Variants in GLIPR1L1 observed in about 807,000 individuals in gnomAD.
GLIPR1L1 encodes the protein GLIPR1-like protein 1.
In GLIPR1L1, 26 loss-of-function variants were observed where a neutral mutation model predicts 29.9. The observed-to-expected ratio is 0.87, with a 90% CI of 0.64 to 1.21. The LOEUF is 1.21. GLIPR1L1 is among the 50% of genes most tolerant of loss of function. The pLI, the probability that GLIPR1L1 is intolerant of heterozygous loss-of-function variation, is 0.00. For missense variants in GLIPR1L1, 305 were observed against 290.3 expected (o/e 1.05, Z -0.37); for synonymous variants, 77 against 97.5 (o/e 0.79, Z 1.24).
intron 3 of GLIPR1L1, among the ~76,000 whole-genome samples, chr12:75,348,861 G>A (rs2042620534): frequency 6.6e-6 from 1 of 152,152 alleles, no homozygotes; most frequent in Non-Finnish European, 1.5e-5. Flanking sequence ...ACAACAAAGG[G>A]CCGTGATCTC....
In GLIPR1L1 at chr12:75,370,365, T is replaced by C. The variant is rs1407076186; in HGVS notation, c.*189T>C. The C allele has an allele frequency of 6.0e-5, 27 of 451,662 alleles. No homozygotes were observed. In the Admixed American group the frequency reaches 9.8e-4, roughly 16 times the overall value. The allele number at this position is 451,662 out of a possible 1,614,324, so 28.0% of individuals were successfully genotyped here. On this transcript the variant is annotated 3_prime_UTR_variant, in exon 6 of 6. Transcript: ENST00000378695. ...GAAAATGGATAGCAGTAGAATAAAGTCTTAAGATTATTTTTTAATTACAAA... is the reference window on the plus strand; with the variant it reads ...GAAAATGGATAGCAGTAGAATAAAGCCTTAAGATTATTTTTTAATTACAAA...
intron 4 of GLIPR1L1, among the ~76,000 whole-genome samples, chr12:75,367,377 C>T (rs184427427): frequency 6.6e-6 from 1 of 151,384 alleles, no homozygotes; most frequent in East Asian, 1.9e-4. Flanking sequence ...TTCTTTATGT[C>T]CGTCTATAAG....
rs1447677291 is a variant in GLIPR1L1 at position 75,343,761 on chromosome 12, CTGTT to C, written c.246_249del (p.Cys82TrpfsTer20). The C allele has an allele frequency of 1.2e-6, 2 of 1,612,346 alleles. No homozygotes were observed. Among genetic ancestry groups the C allele is most frequent in the Non-Finnish European group, 1.7e-6 (2 of 1,178,768 alleles). Reference sequence around the variant, plus strand: ...ACCAGTGCAAATTTGAACATAATGACTGTTTGGATAAATCATATAAATGCTATGC... The same window carrying C: ...ACCAGTGCAAATTTGAACATAATGACTGGATAAATCATATAAATGCTATGC... On this transcript the variant is annotated frameshift_variant, in exon 2 of 6. Transcript: ENST00000378695. LOFTEE classifies it high-confidence loss of function.
chr12:75,352,187 G>A (rs1028845617), intron 3 of GLIPR1L1, among the ~76,000 whole-genome samples: 7 of 152,136 alleles, frequency 4.6e-5, no homozygotes, highest in African/African-American at 1.4e-4. Context: ...TGGCCTAAAG[G>A]CCCCATATAA....
rs1430406847 is a variant in GLIPR1L1, at chr12:75,340,445, G to A, written c.175-3248G>A. ...TAAAGAGCAAAAATTAACCCAAAAT[G>A]AATCATAAATTTAAATAAAACTATT... is the stretch of plus-strand genomic sequence containing the variant. On this transcript the variant is annotated intron_variant, in intron 1 of 5. Coordinates refer to ENST00000378695, the MANE Select transcript of GLIPR1L1 (RefSeq NM_001304964.2). 2.0e-5 allele frequency among the ~76,000 whole-genome samples: 3 copies of A among 151,448 alleles called. No homozygotes were observed. In the East Asian group the frequency reaches 5.8e-4, roughly 29 times the overall value.
chr12:75,344,215 T>G (rs1223808773), intron 2 of GLIPR1L1, among the ~76,000 whole-genome samples: 1 of 152,158 alleles, frequency 6.6e-6, no homozygotes, highest in East Asian at 1.9e-4. Context: ...TTTCTCTCAC[T>G]CTCTCTCTTC....
intron 1 of GLIPR1L1, among the ~76,000 whole-genome samples, chr12:75,335,921 A>G (rs1283579514): frequency 6.6e-6 from 1 of 152,024 alleles, no homozygotes; most frequent in Non-Finnish European, 1.5e-5. Context: ...TTGTAAATGT[A>G]TGATAAAAAA....
At chr12:75,367,073 C>T in intron 4 of GLIPR1L1, 1 of 698,302 alleles carries the variant, frequency 1.4e-6, no homozygotes, top group Non-Finnish European at 2.6e-6. Flanking sequence ...AATGCACAGA[C>T]AAGCCAACTG....
chr12:75,337,351 T>TA (rs35917340), intron 1 of GLIPR1L1, among the ~76,000 whole-genome samples: 47 of 151,440 alleles, frequency 3.1e-4, no homozygotes, highest in African/African-American at 9.9e-4. Context: ...AAACCAGTAG[T>TA]AAAAAAAAGA....
At chr12:75,339,668 A>G (rs979046919) in intron 1 of GLIPR1L1, among the ~76,000 whole-genome samples, 1 of 152,098 alleles carries the variant, frequency 6.6e-6, no homozygotes, top group Non-Finnish European at 1.5e-5. Flanking sequence ...GCCCGTGCCT[A>G]TGTCCTGAAT....
At chr12:75,362,650 T>C (rs149856815) in intron 3 of GLIPR1L1, among the ~76,000 whole-genome samples, 4 of 152,298 alleles carry the variant, frequency 2.6e-5, no homozygotes, top group South Asian at 2.1e-4. Flanking sequence ...TTATGACTTA[T>C]ACTATTAAAA....
In GLIPR1L1 at chr12:75,343,706, G is replaced by T. The variant is rs746054970; in HGVS notation, c.188G>T (p.Gly63Val). 1 of 1,607,876 alleles carries T rather than the reference G, an allele frequency of 6.2e-7. No individual in the cohort carries two copies. Among genetic ancestry groups the T allele is most frequent in the African/African-American group, 1.3e-5 (1 of 74,798 alleles). The change falls in exon 2 of 6, where the codon GGT becomes GTT. Residue 63 changes from glycine (G) to valine (V), a missense_variant. Transcript: ENST00000378695. ...TTTATCTTTCAGATTTGGGATAAAG[G>T]TTTAGCAAAGATGGCTAAAGCATGG... is the stretch of plus-strand genomic sequence containing the variant. ...ADMKYMIWDK[G>V]LAKMAKAWAN...
At chr12:75,350,311 C>CAA (rs1298304088) in intron 3 of GLIPR1L1, among the ~76,000 whole-genome samples, 1 of 152,206 alleles carries the variant, frequency 6.6e-6, no homozygotes, top group African/African-American at 2.4e-5. Context: ...TTTCTGATGG[C>CAA]AAGCTCTGAG....
Position 75,334,790 on chromosome 12 carries a change from C to T in GLIPR1L1, c.62C>T (p.Thr21Ile). Residue 21 changes from threonine (T) to isoleucine (I), a missense_variant, in exon 1 of 6, where the codon ACA becomes ATA. Coordinates refer to ENST00000378695, the MANE Select transcript of GLIPR1L1 (RefSeq NM_001304964.2). ...WILGLCLVAT[T>I]SSKIPSITDP... ...TTGGGTCTGTGTTTGGTAGCCACTACATCTTCCAAAATCCCATCCATCACT... is the reference window on the plus strand; with the variant it reads ...TTGGGTCTGTGTTTGGTAGCCACTATATCTTCCAAAATCCCATCCATCACT... 1 of 1,614,082 alleles carries T rather than the reference C, an allele frequency of 6.2e-7. No homozygotes were observed. The highest frequency in any genetic ancestry group is 8.5e-7 in the Non-Finnish European group (1 of 1,179,944).
chr12:75,354,116 C>T (rs1241478952), intron 3 of GLIPR1L1, among the ~76,000 whole-genome samples: 2 of 132,396 alleles, frequency 1.5e-5, no homozygotes, highest in African/African-American at 3.0e-5. Context: ...CACTTCTATT[C>T]AACATAGTAT....
chr12:75,347,496 T>C lies in GLIPR1L1; in HGVS notation c.421-126T>C, dbSNP rs181927291. ...ATAAATATAAACATTAGAAAAAATA[T>C]GTAACTAATAAATATTTATGTACAT... On this transcript the variant is annotated intron_variant, in intron 2 of 5. Transcript: ENST00000378695. 2.8e-4 allele frequency: 123 copies of C among 439,518 alleles called. No homozygotes were observed. The South Asian group carries it at 3.8e-3, about 14-fold the overall frequency. 27.2% of individuals were successfully genotyped at this position (439,518 alleles called of 1,614,324 possible).
chr12:75,344,076 TTTAATAATA>T, intron 2 of GLIPR1L1, 138 bp downstream of exon 2: 2 of 620,604 alleles, frequency 3.2e-6, no homozygotes, highest in Non-Finnish European at 2.7e-6. Flanking sequence ...TCTTGAGCAA[TTTAATAATA>T]ATATACCAAA....
At chr12:75,364,529 C>T (rs1357720880) in intron 4 of GLIPR1L1, among the ~76,000 whole-genome samples, 4 of 152,152 alleles carry the variant, frequency 2.6e-5, no homozygotes, top group Non-Finnish European at 5.9e-5. Context: ...ATGTTCCAGC[C>T]CAGATGGGAA....
chr12:75,341,026 C>T (rs575055888), intron 1 of GLIPR1L1, among the ~76,000 whole-genome samples: 222 of 150,702 alleles, frequency 1.5e-3, no homozygotes, highest in South Asian at 2.7e-3. Flanking sequence ...TTGGCAATTT[C>T]TTACAAAAAA....
Sources: allele counts gnomAD v4.1 joint callset (sites outside exome capture counted in the v4.1 genomes callset), GRCh38; gene constraint gnomAD v4.1.1; transcripts MANE v1.5; gene names NCBI Gene and HGNC (gene_info 2026-07-23, HGNC 2026-07-21).